GOT1: variants seen among roughly 807,000 people sequenced by gnomAD.
The protein encoded by GOT1 is glutamic-oxaloacetic transaminase 1, also known as aspartate aminotransferase, cytoplasmic.
GOT1 carries 25 observed loss-of-function variants against 48.2 expected under a neutral mutation model. That is an observed-to-expected ratio of 0.52 (90% confidence interval 0.38 to 0.72). The LOEUF is 0.72. Ranked by LOEUF, GOT1 falls within the 30% of genes least tolerant of loss-of-function variation. The pLI is 0.00. For synonymous variants in GOT1, 188 were observed against 193.8 expected (o/e 0.97, Z 0.25); for missense variants, 380 against 520.1 (o/e 0.73, Z 2.62).
chr10:99,420,496 C>A, intron 2 of GOT1, 128 bp downstream of exon 2: 1 of 700,686 alleles, frequency 1.4e-6, no homozygotes, highest in Non-Finnish European at 2.3e-6. Context: ...CCTGAACTCG[C>A]GCTACAGAAA....
At chr10:99,419,533 C>A (rs2032940695) in intron 2 of GOT1, among the ~76,000 whole-genome samples, 1 of 152,146 alleles carries the variant, frequency 6.6e-6, no homozygotes. Context: ...AGATGAATAT[C>A]CTTCCTCTTG....
chr10:99,422,823 G>A (rs1029970050), intron 1 of GOT1, among the ~76,000 whole-genome samples: 26 of 152,204 alleles, frequency 1.7e-4, no homozygotes, highest in African/African-American at 6.0e-4. Flanking sequence ...TTTGCGCATA[G>A]AGAGCGTCCT....
chr10:99,419,254 CACTGGTTTAA>C (rs1283584279), intron 2 of GOT1, among the ~76,000 whole-genome samples: 3 of 152,178 alleles, frequency 2.0e-5, no homozygotes, highest in Non-Finnish European at 4.4e-5. Context: ...TGATAATGGC[CACTGGTTTAA>C]ACTGTGCAAT....
chr10:99,401,157 C>T (rs2032669865), intron 8 of GOT1, among the ~76,000 whole-genome samples: 1 of 152,140 alleles, frequency 6.6e-6, no homozygotes, highest in Admixed American at 6.6e-5. Context: ...AGCTTTTAGA[C>T]TATTACTACT....
chr10:99,400,663 AG>A (rs779305874), intron 8 of GOT1, among the ~76,000 whole-genome samples: 9 of 152,088 alleles, frequency 5.9e-5, no homozygotes, highest in Non-Finnish European at 1.0e-4. Flanking sequence ...AAAAAAGGCC[AG>A]GCACAGTGGC....
intron 3 of GOT1, 87 bp from the exon 4 acceptor site, chr10:99,406,336 C>T (rs1211193630): frequency 2.2e-6 from 2 of 909,366 alleles, no homozygotes. Context: ...CCAGGGCCCT[C>T]CCAGGCTCAA....
chr10:99,402,423 G>A (rs2032692576), intron 8 of GOT1, among the ~76,000 whole-genome samples, 157 bp downstream of exon 8: 1 of 152,214 alleles, frequency 6.6e-6, no homozygotes, highest in Non-Finnish European at 1.5e-5. Flanking sequence ...ATGAGATGGT[G>A]GGACACCCTA....
chr10:99,417,871 G>A (rs2032916520), intron 2 of GOT1, among the ~76,000 whole-genome samples: 1 of 151,846 alleles, frequency 6.6e-6, no homozygotes, highest in Non-Finnish European at 1.5e-5. Context: ...TTGGACACAG[G>A]AAGGAGAACA....
intron 1 of GOT1, among the ~76,000 whole-genome samples, chr10:99,429,964 T>TC (rs992483382): frequency 2.0e-5 from 3 of 151,768 alleles, no homozygotes; most frequent in African/African-American, 7.3e-5. Context: ...AGCCTCAGTC[T>TC]CCCCCTACAA....
intron 1 of GOT1, 145 bp downstream of exon 1, chr10:99,430,303 C>A (rs1365292414): frequency 6.3e-7 from 1 of 1,588,146 alleles, no homozygotes; most frequent in Admixed American, 1.7e-5. Context: ...TTTTAGGAAG[C>A]CTTCGTGGAT....
At chr10:99,416,364 A>G (rs1295601172) in intron 2 of GOT1, among the ~76,000 whole-genome samples, 1 of 152,204 alleles carries the variant, frequency 6.6e-6, no homozygotes, top group Non-Finnish European at 1.5e-5. Flanking sequence ...AGAATAGAAT[A>G]CCTAGGAATC....
At chr10:99,404,016 T>G in intron 5 of GOT1, 142 bp from the exon 6 acceptor site, 1 of 706,842 alleles carries the variant, frequency 1.4e-6, no homozygotes, top group Non-Finnish European at 2.4e-6. Flanking sequence ...GCACCCAAGC[T>G]CCACTTTACA....
chr10:99,417,914 G>T (rs1012531483), intron 2 of GOT1, among the ~76,000 whole-genome samples: 5 of 152,038 alleles, frequency 3.3e-5, no homozygotes, highest in Admixed American at 2.0e-4. Context: ...GGTGCGGAGA[G>T]GGGGGAAGGA....
chr10:99,415,425 G>A (rs1402411205), intron 2 of GOT1, among the ~76,000 whole-genome samples: 8 of 152,150 alleles, frequency 5.3e-5, no homozygotes, highest in African/African-American at 1.9e-4. Flanking sequence ...ACCAATAACA[G>A]GAGCTGAAAT....
intron 6 of GOT1, 36 bp from the exon 7 acceptor site, chr10:99,403,670 A>C (rs763829815): frequency 6.2e-7 from 1 of 1,613,934 alleles, no homozygotes; most frequent in Non-Finnish European, 8.5e-7. Flanking sequence ...GTGGCTGCTG[A>C]AGCAGGGAGT....
intron 1 of GOT1, chr10:99,430,127 A>G (rs1360170988): frequency 5.6e-6 from 3 of 537,266 alleles, no homozygotes; most frequent in Non-Finnish European, 1.0e-5. Context: ...ACCTCTCTCT[A>G]CAAGCTCCGG....
At position 99,405,852 on chromosome 10, in the gene GOT1, A is replaced by G. The variant is rs768223515; in HGVS notation, c.546T>C (p.Pro182=). ...CGTGGAGGACAACAATGGAGAACTC[A>G]GGAGCATTCTGAGGAGAAGGAAGCT... ...QGFLNDLENA[P]EFSIVVLHAC... Residue 182 remains proline (P), a synonymous_variant, in exon 5 of 9, where the codon CCT becomes CCC. Coordinates refer to ENST00000370508, the MANE Select transcript of GOT1 (RefSeq NM_002079.3). The G allele has an allele frequency of 4.4e-6, 7 of 1,591,886 alleles. No homozygotes were observed. In the South Asian group the frequency reaches 6.6e-5, roughly 15 times the overall value.
chr10:99,424,099 T>C (rs2134109710), intron 1 of GOT1, among the ~76,000 whole-genome samples: 2 of 152,272 alleles, frequency 1.3e-5, no homozygotes, highest in South Asian at 4.1e-4. Context: ...CAAGTAAGAG[T>C]TGTCCCTAAA....
Position 99,406,216 on chromosome 10 carries a change from A to T in GOT1, c.458T>A (p.Phe153Tyr), listed in dbSNP as rs2032753258. The T allele has an allele frequency of 1.9e-6, 3 of 1,613,976 alleles. No homozygotes were observed. Among genetic ancestry groups the T allele is most frequent in the Non-Finnish European group, 2.5e-6 (3 of 1,179,808 alleles). ...NHNAVFSAAG[F>Y]KDIRSYRYWD... is the part of the protein sequence containing the mutation. The stretch of plus-strand genomic sequence containing the variant: ...GTAGCGATAGGACCGAATGTCTTTA[A>T]AACCAGCAGCGGAAAACACAGCATT... The change falls in exon 4 of 9, where the codon TTT (phenylalanine) becomes TAT (tyrosine). Residue 153 changes from phenylalanine to tyrosine, a missense_variant. By Grantham distance (22) the Phe-to-Tyr change is conservative (BLOSUM62 3). Coordinates refer to ENST00000370508, the MANE Select transcript of GOT1 (RefSeq NM_002079.3).
Sources: gnomAD v4.1 joint callset for allele counts (sites outside exome capture counted in the v4.1 genomes callset) on GRCh38, gnomAD v4.1.1 for gene constraint, MANE v1.5 for transcripts, NCBI Gene and HGNC (gene_info 2026-07-23, HGNC 2026-07-21) for gene names.